The following WWOX variants were observed in gnomAD, a reference collection of about 807,000 sequenced individuals.
WWOX encodes the protein WW domain-containing oxidoreductase.
Under a neutral mutation model 46.2 loss-of-function variants are expected in WWOX, and 69 were observed. The ratio of observed to expected loss-of-function variants is 1.49; its 90% CI spans 1.23 to 1.82. The LOEUF (loss-of-function observed/expected upper bound fraction) is 1.82. WWOX is among the 40% of genes most tolerant of loss of function. The probability of loss-of-function intolerance (pLI) is 0.00; values close to 1 mark genes in which losing one functional copy is unlikely to be tolerated. For synonymous variants in WWOX, 359 were observed against 202.6 expected (o/e 1.77, Z -6.56); for missense variants, 919 against 542.6 (o/e 1.69, Z -6.89).
At chr16:78,892,542 T>C (rs552797369) in intron 8 of WWOX, among the ~76,000 whole-genome samples, 1 of 152,338 alleles carries the variant, frequency 6.6e-6, no homozygotes, top group South Asian at 2.1e-4. Flanking sequence ...GACGACAACA[T>C]TCTTGTTCAG....
At chr16:79,110,532 A>C (rs2049397328) in intron 8 of WWOX, among the ~76,000 whole-genome samples, 1 of 152,178 alleles carries the variant, frequency 6.6e-6, no homozygotes, top group African/African-American at 2.4e-5. Context: ...AAGAGAGTTA[A>C]TAGTTTGTAC....
chr16:78,322,420 G>T (rs753374153), intron 5 of WWOX, among the ~76,000 whole-genome samples: 1 of 152,186 alleles, frequency 6.6e-6, no homozygotes, highest in Non-Finnish European at 1.5e-5. Context: ...GAGTGTTCGT[G>T]ATCGCCAGGA....
chr16:78,865,931 T>C (rs990501824), intron 8 of WWOX, among the ~76,000 whole-genome samples: 1 of 152,200 alleles, frequency 6.6e-6, no homozygotes, highest in Non-Finnish European at 1.5e-5. Context: ...CAACAAATCA[T>C]ATCTGTGATT....
chr16:78,833,340 C>G (rs910433558), intron 8 of WWOX, among the ~76,000 whole-genome samples: 1 of 151,862 alleles, frequency 6.6e-6, no homozygotes, highest in Admixed American at 6.6e-5. Context: ...TTCTTTATAC[C>G]AGTCCTCAAC....
intron 8 of WWOX, among the ~76,000 whole-genome samples, chr16:78,816,595 T>C (rs770928907): frequency 4.0e-5 from 6 of 149,338 alleles, no homozygotes; most frequent in Non-Finnish European, 7.4e-5. Flanking sequence ...AAAATTTTCA[T>C]CTTTTGGGTA....
At chr16:79,107,616 A>C (rs2049336555) in intron 8 of WWOX, among the ~76,000 whole-genome samples, 1 of 152,194 alleles carries the variant, frequency 6.6e-6, no homozygotes, top group Non-Finnish European at 1.5e-5. Flanking sequence ...CACACTCTGC[A>C]GATCTCCACT....
intron 6 of WWOX, among the ~76,000 whole-genome samples, chr16:78,417,040 G>GGGGTGTGTGTGTGTGTGTGTGTGTGTGT (rs58277331): frequency 6.6e-6 from 1 of 151,264 alleles, no homozygotes; most frequent in African/African-American, 2.4e-5. Context: ...ACCCTTTGGG[G>GGGGTGTGTGTGTGTGTGTGTGTGTGTGT]GTGTGTGTGT....
chr16:78,355,469 G>T (rs552667864), intron 5 of WWOX: 189 of 325,498 alleles, frequency 5.8e-4, no homozygotes, highest in African/African-American at 4.0e-3. Context: ...TGGCGTGGTG[G>T]CGGGCACCTG....
chr16:78,865,279 T>A (rs1402147996), intron 8 of WWOX, among the ~76,000 whole-genome samples: 1 of 152,148 alleles, frequency 6.6e-6, no homozygotes, highest in East Asian at 1.9e-4. Flanking sequence ...CTTCACTTTC[T>A]CTGTTATTCC....
chr16:78,314,474 C>A (rs1306573182), intron 5 of WWOX, among the ~76,000 whole-genome samples: 2 of 148,392 alleles, frequency 1.3e-5, no homozygotes, highest in Admixed American at 6.7e-5. Context: ...GCTGCCAGTA[C>A]GTTACAGCAA....
intron 8 of WWOX, among the ~76,000 whole-genome samples, chr16:78,690,710 A>G (rs2047965663): frequency 6.6e-6 from 1 of 152,206 alleles, no homozygotes; most frequent in Non-Finnish European, 1.5e-5. Context: ...CTTTCCAGTC[A>G]CAGCCTGGAT....
At position 78,199,070 on chromosome 16, in the gene WWOX, T is replaced by C. The variant is rs534405002; in HGVS notation, c.516+34781T>C. 5.9e-5 allele frequency among the ~76,000 whole-genome samples: 9 copies of C among 152,252 alleles called. No homozygotes were observed. In the South Asian group the frequency reaches 1.9e-3, roughly 32 times the overall value. ...AATTAAATCTCCCATGCATCCCACT[T>C]TGGGAGGCTGAGGTGGATGGATCAC... On this transcript the variant is annotated intron_variant, in intron 5 of 8. Transcript: ENST00000566780.
At chr16:78,475,952 A>G (rs2084339258) in intron 8 of WWOX, among the ~76,000 whole-genome samples, 1 of 152,166 alleles carries the variant, frequency 6.6e-6, no homozygotes, top group Admixed American at 6.6e-5. Flanking sequence ...TTATTATGGT[A>G]ATGAGAAGAG....
At chr16:78,926,557 C>T (rs918597905) in intron 8 of WWOX, among the ~76,000 whole-genome samples, 3 of 152,128 alleles carry the variant, frequency 2.0e-5, no homozygotes, top group Middle Eastern at 3.2e-3. Flanking sequence ...AGTCATTTTG[C>T]AGAAAGCAGA....
At chr16:78,508,154 G>A (rs1026171969) in intron 8 of WWOX, among the ~76,000 whole-genome samples, 6 of 151,826 alleles carry the variant, frequency 4.0e-5, no homozygotes, top group African/African-American at 7.3e-5. Flanking sequence ...GATTACAGGT[G>A]CCCACCACCA....
At chr16:79,095,328 C>T (rs779475264) in intron 8 of WWOX, among the ~76,000 whole-genome samples, 5 of 152,166 alleles carry the variant, frequency 3.3e-5, no homozygotes, top group Non-Finnish European at 5.9e-5. Context: ...TGCTTTCAGG[C>T]ATTTCCTTAT....
intron 8 of WWOX, among the ~76,000 whole-genome samples, chr16:79,097,712 T>C (rs2049105828): frequency 6.6e-6 from 1 of 152,162 alleles, no homozygotes; most frequent in African/African-American, 2.4e-5. Context: ...CTTTGGAGGA[T>C]AAAGGATACT....
In WWOX at chr16:78,312,377, A is replaced by T. The variant is rs1333985838; in HGVS notation, c.517-74483A>T. Among the ~76,000 whole-genome samples the T allele has an allele frequency of 3.6e-5, 3 of 84,186 alleles. No individual in the cohort carries two copies. In the South Asian group the frequency reaches 1.2e-3, roughly 33 times the overall value. 55.2% of individuals were successfully genotyped at this position (84,186 alleles called of 152,430 possible). A position where few individuals can be genotyped will look rare whatever the true frequency, so the allele number is the denominator to read the frequency against. ...AGTGGCCAGCTGGAGTTGTAGGTCT[A>T]ATTCTTTTTTTTTTTTTAAGACGGA... On this transcript the variant is annotated intron_variant, in intron 5 of 8. Coordinates refer to ENST00000566780, the MANE Select transcript of WWOX (RefSeq NM_016373.4).
intron 8 of WWOX, among the ~76,000 whole-genome samples, chr16:78,875,469 G>T (rs1344000026): frequency 6.6e-6 from 1 of 152,088 alleles, no homozygotes; most frequent in African/African-American, 2.4e-5. Context: ...TAGCAAATCA[G>T]TTTGACAGTC....
Sources: allele counts gnomAD v4.1 joint callset (sites outside exome capture counted in the v4.1 genomes callset), GRCh38; gene constraint gnomAD v4.1.1; transcripts MANE v1.5; gene names NCBI Gene and HGNC (gene_info 2026-07-23, HGNC 2026-07-21).